SUCLG1: variants seen among roughly 807,000 people sequenced by gnomAD.
The protein encoded by SUCLG1 is succinate--CoA ligase [ADP/GDP-forming] subunit alpha, mitochondrial.
Under a neutral mutation model 37.3 loss-of-function variants are expected in SUCLG1, and 26 were observed. That is an observed-to-expected ratio of 0.70 (90% CI 0.51 to 0.97). SUCLG1 has a LOEUF of 0.97. SUCLG1 is among the 50% of genes least tolerant of loss of function. The pLI is 0.00. For synonymous variants in SUCLG1, 163 were observed against 155.6 expected (o/e 1.05, Z -0.36); for missense variants, 433 against 432.9 (o/e 1.00, Z 0.00).
At chr2:84,423,919 G>A (rs879799448) in intron 8 of SUCLG1, 147 bp from the exon 9 acceptor site, 2 of 858,494 alleles carry the variant, frequency 2.3e-6, no homozygotes, top group Admixed American at 4.7e-5. Flanking sequence ...GTACCAGGAT[G>A]AGGGTGTTTG....
chr2:84,429,941 C>T (rs1226152375), intron 7 of SUCLG1, among the ~76,000 whole-genome samples: 2 of 152,116 alleles, frequency 1.3e-5, no homozygotes, highest in Non-Finnish European at 2.9e-5. Context: ...GGACTAAGTA[C>T]AGACAAGGCT....
At chr2:84,432,626 G>A (rs1269020105) in intron 6 of SUCLG1, 2 of 152,098 alleles carry the variant, frequency 1.3e-5, no homozygotes, top group Non-Finnish European at 2.9e-5. Context: ...CTCAATTAAT[G>A]TTTTCAATAT....
chr2:84,450,424 A>C (rs1015784569), intron 1 of SUCLG1, among the ~76,000 whole-genome samples: 68 of 152,062 alleles, frequency 4.5e-4, no homozygotes, highest in Admixed American at 2.9e-3. Context: ...AAAAAAAAAA[A>C]AAAAAACCCT....
At chr2:84,434,369 C>A (rs1672653701) in intron 5 of SUCLG1, among the ~76,000 whole-genome samples, 1 of 152,134 alleles carries the variant, frequency 6.6e-6, no homozygotes, top group Non-Finnish European at 1.5e-5. Flanking sequence ...AGGTCAAGAT[C>A]CCTCTGGAAT....
intron 1 of SUCLG1, among the ~76,000 whole-genome samples, chr2:84,454,710 C>T (rs1487499012): frequency 6.6e-6 from 1 of 152,184 alleles, no homozygotes; most frequent in African/African-American, 2.4e-5. Flanking sequence ...GTGTTTTCAA[C>T]AGGGGTGATA....
At chr2:84,443,259 G>T (rs1158222225) in intron 3 of SUCLG1, 25 bp downstream of exon 3, 7 of 1,594,790 alleles carry the variant, frequency 4.4e-6, no homozygotes, top group Admixed American at 3.3e-5. Flanking sequence ...TTCTTGTCTT[G>T]CCAAACTCAG....
chr2:84,457,701 G>C (rs774671917), intron 1 of SUCLG1, among the ~76,000 whole-genome samples: 2 of 152,180 alleles, frequency 1.3e-5, no homozygotes, highest in African/African-American at 2.4e-5. Flanking sequence ...CTGCACATCT[G>C]ATCTTCTACA....
At chr2:84,429,841 G>T (rs185025929) in intron 7 of SUCLG1, among the ~76,000 whole-genome samples, 1 of 152,114 alleles carries the variant, frequency 6.6e-6, no homozygotes. Flanking sequence ...AAGAGTAAAG[G>T]GGGGTGGTTG....
chr2:84,457,906 T>G (rs1403809168), intron 1 of SUCLG1, among the ~76,000 whole-genome samples: 1 of 152,136 alleles, frequency 6.6e-6, no homozygotes, highest in Non-Finnish European at 1.5e-5. Flanking sequence ...TAACGTTATC[T>G]AGCCAGACCT....
intron 5 of SUCLG1, chr2:84,433,740 G>T: frequency 2.4e-6 from 1 of 409,318 alleles, no homozygotes. Context: ...GAAGAAGCTA[G>T]TATCAGTATA....
chr2:84,446,668 G>T (rs570745754), intron 2 of SUCLG1, among the ~76,000 whole-genome samples: 1 of 151,758 alleles, frequency 6.6e-6, no homozygotes, highest in African/African-American at 2.4e-5. Flanking sequence ...TCTGCAATGA[G>T]ATAAGAGGAA....
intron 5 of SUCLG1, among the ~76,000 whole-genome samples, chr2:84,435,994 T>C (rs1488387084): frequency 6.6e-6 from 1 of 152,224 alleles, no homozygotes; most frequent in East Asian, 1.9e-4. Flanking sequence ...CATCTCTTGG[T>C]TGAATTTTTT....
chr2:84,436,541 C>T lies in SUCLG1; in HGVS notation c.590-3106G>A, dbSNP rs140239978. Among the ~76,000 whole-genome samples, 3 of 152,314 alleles carry T rather than the reference C, an allele frequency of 2.0e-5. No homozygotes were observed. In the East Asian group the frequency reaches 5.8e-4, roughly 29 times the overall value. ...CGAATCTGCCACATAACATGGCCTC[C>T]TACTGCTGACACAGTAAAATGGAAT... is the stretch of plus-strand genomic sequence containing the variant. On this transcript the variant is annotated intron_variant, in intron 5 of 8. Coordinates refer to ENST00000393868, the MANE Select transcript of SUCLG1 (RefSeq NM_003849.4).
At chr2:84,448,170 G>A (rs1187851086) in intron 2 of SUCLG1, among the ~76,000 whole-genome samples, 4 of 137,702 alleles carry the variant, frequency 2.9e-5, no homozygotes, top group Admixed American at 7.3e-5. Context: ...AGTTATTTCA[G>A]AAAAAAAAAA....
At chr2:84,431,451 G>A in intron 7 of SUCLG1, 57 bp downstream of exon 7, 2 of 1,601,760 alleles carry the variant, frequency 1.2e-6, no homozygotes, top group Non-Finnish European at 8.5e-7. Flanking sequence ...AATAACTTCT[G>A]AAACAAGCCT....
chr2:84,451,956 T>A (rs17025063), intron 1 of SUCLG1, among the ~76,000 whole-genome samples: 5,533 of 152,208 alleles, frequency 0.036, 183 homozygotes, highest in Middle Eastern at 0.099. Flanking sequence ...TCACATTCCA[T>A]CCTGACAATA....
chr2:84,439,260 T>G (rs1006489925), intron 5 of SUCLG1, among the ~76,000 whole-genome samples: 1 of 151,834 alleles, frequency 6.6e-6, no homozygotes, highest in African/African-American at 2.4e-5. Context: ...CATCAATGGG[T>G]TATGACCATT....
In SUCLG1 at chr2:84,425,434, A is replaced by C. The variant is rs1672519528; in HGVS notation, c.995T>G (p.Leu332Arg). 1.9e-6 allele frequency: 3 copies of C among 1,614,158 alleles called. No homozygotes were observed. The highest frequency in any genetic ancestry group is 2.5e-6 in the Non-Finnish European group (3 of 1,180,026). Residue 332 changes from leucine to arginine, a missense_variant, in exon 8 of 9, where the codon CTG (leucine) becomes CGG (arginine). Coordinates refer to ENST00000393868, the MANE Select transcript of SUCLG1 (RefSeq NM_003849.4). ...GCTCACCTTGTAGATCGTGGTTCCC[A>C]GCTGTGCAGGAGACATACTGACCAC... is the stretch of plus-strand genomic sequence containing the variant. ...GVVVSMSPAQ[L>R]GTTIYKEFEK...
At position 84,423,785 on chromosome 2, in the gene SUCLG1, A is replaced by G. The variant is rs1226483012; in HGVS notation, c.1015-13T>C. 2 of 1,604,974 alleles carry G rather than the reference A, an allele frequency of 1.2e-6. No homozygotes were observed. The highest frequency in any genetic ancestry group is 8.5e-7 in the Non-Finnish European group (1 of 1,175,272). The stretch of plus-strand genomic sequence containing the variant: ...TCTTTTCAAATTCCTTCAGAAACAG[A>G]AGAGAGAGAGAAGAGAGATGGAATG... On this transcript the variant is annotated splice_polypyrimidine_tract_variant and intron_variant, in intron 8 of 8. Coordinates refer to ENST00000393868, the MANE Select transcript of SUCLG1 (RefSeq NM_003849.4).
Sources: gnomAD v4.1 joint callset for allele counts (sites outside exome capture counted in the v4.1 genomes callset) on GRCh38, gnomAD v4.1.1 for gene constraint, MANE v1.5 for transcripts, NCBI Gene and HGNC (gene_info 2026-07-23, HGNC 2026-07-21) for gene names.